Variants in FBXL17 observed in about 807,000 individuals in gnomAD.
The protein encoded by FBXL17 is F-box/LRR-repeat protein 17.
In FBXL17, 22 loss-of-function variants were observed where a neutral mutation model predicts 66.2. That is an observed-to-expected ratio of 0.33 (90% CI 0.24 to 0.47). The LOEUF (loss-of-function observed/expected upper bound fraction) is 0.47. FBXL17 is among the 20% of genes least tolerant of loss of function. The pLI is 1.00. For missense variants in FBXL17, 878 were observed against 948.2 expected (o/e 0.93, Z 0.97); for synonymous variants, 474 against 400.5 (o/e 1.18, Z -2.19).
At chr5:107,879,592 A>C (rs1251334530) in intron 8 of FBXL17, 6 of 985,362 alleles carry the variant, frequency 6.1e-6, no homozygotes, top group Non-Finnish European at 7.2e-6. Context: ...TTTGGAGAAA[A>C]GAATTAGCCA....
At chr5:108,053,108 T>C (rs1411735197) in intron 6 of FBXL17, among the ~76,000 whole-genome samples, 1 of 152,058 alleles carries the variant, frequency 6.6e-6, no homozygotes, top group African/African-American at 2.4e-5. Flanking sequence ...GAAGAAAACC[T>C]AGGTGATACC....
At chr5:107,975,071 T>C (rs1752526421) in intron 7 of FBXL17, among the ~76,000 whole-genome samples, 1 of 152,198 alleles carries the variant, frequency 6.6e-6, no homozygotes, top group Non-Finnish European at 1.5e-5. Context: ...GTCTTTGTTC[T>C]GGGAGTAAAA....
intron 4 of FBXL17, among the ~76,000 whole-genome samples, chr5:108,327,723 CT>C (rs1759923442): frequency 6.6e-6 from 1 of 152,096 alleles, no homozygotes; most frequent in African/African-American, 2.4e-5. Context: ...CCATTGGTTA[CT>C]TTTTCCCCTT....
rs887297804 is a variant in FBXL17, at chr5:107,859,322, A to C, written c.*2398T>G. On this transcript the variant is annotated 3_prime_UTR_variant, in exon 9 of 9. Transcript: ENST00000542267. ...GAAAAATTATTTTAAGCCTCATTTC[A>C]AAGCATCTAATGAGAACACATTCAA... The C allele has an allele frequency of 6.6e-6, 1 of 151,556 alleles. No individual in the cohort carries two copies. Among genetic ancestry groups the C allele is most frequent in the Non-Finnish European group, 1.5e-5 (1 of 67,932 alleles). 9.4% of individuals were successfully genotyped at this position (151,556 alleles called of 1,614,324 possible).
chr5:108,100,420 C>T (rs1031901587), intron 6 of FBXL17, among the ~76,000 whole-genome samples: 1 of 152,114 alleles, frequency 6.6e-6, no homozygotes, highest in Non-Finnish European at 1.5e-5. Flanking sequence ...TACATGCTGA[C>T]CTATTTATCC....
At position 107,880,221 on chromosome 5, in the gene FBXL17, T is replaced by C. The variant is rs143613345; in HGVS notation, c.1965+816A>G. ...TAGCTGGGACTACAGGTGTGTGCCA[T>C]TATGCCTGGCTAATTTTTTTTTGTT... On this transcript the variant is annotated intron_variant, in intron 8 of 8. Coordinates refer to ENST00000542267, the MANE Select transcript of FBXL17 (RefSeq NM_001163315.3). The C allele has an allele frequency of 7.1e-3, 2,126 of 298,806 alleles. 56 individuals carry two copies. The highest frequency in any genetic ancestry group is 0.045 in the African/African-American group (1,974 of 44,112). 18.5% of individuals were successfully genotyped at this position (298,806 alleles called of 1,614,324 possible).
chr5:108,278,598 G>A (rs922982224), intron 4 of FBXL17, among the ~76,000 whole-genome samples: 3 of 152,222 alleles, frequency 2.0e-5, no homozygotes, highest in Non-Finnish European at 2.9e-5. Context: ...TGAGTTGCAG[G>A]CCAGGCACAA....
intron 7 of FBXL17, among the ~76,000 whole-genome samples, chr5:107,930,475 A>G (rs1030066989): frequency 6.6e-6 from 1 of 152,200 alleles, no homozygotes; most frequent in South Asian, 2.1e-4. Context: ...TTTCTGTCAC[A>G]AAGTCTTGTA....
chr5:108,129,337 G>A (rs1174935033), intron 6 of FBXL17, among the ~76,000 whole-genome samples: 3 of 152,030 alleles, frequency 2.0e-5, no homozygotes, highest in Admixed American at 6.6e-5. Flanking sequence ...TGACAGTATT[G>A]TAAATTAAGG....
At chr5:107,982,445 C>T (rs1355959626) in intron 7 of FBXL17, among the ~76,000 whole-genome samples, 4 of 148,328 alleles carry the variant, frequency 2.7e-5, no homozygotes, top group East Asian at 3.9e-4. Context: ...TTTCTCAATG[C>T]TTTAAAAAAA....
intron 4 of FBXL17, among the ~76,000 whole-genome samples, chr5:108,282,222 GA>G (rs1401682426): frequency 6.6e-6 from 1 of 151,638 alleles, no homozygotes; most frequent in African/African-American, 2.4e-5. Context: ...AACATAACAA[GA>G]AAACTACTGA....
chr5:107,957,631 T>A (rs558062145), intron 7 of FBXL17, among the ~76,000 whole-genome samples: 1 of 152,150 alleles, frequency 6.6e-6, no homozygotes, highest in South Asian at 2.1e-4. Context: ...CTAAAACACC[T>A]ATACAGTTCT....
In FBXL17 at chr5:107,878,893, G is replaced by A. The variant is rs571918431; in HGVS notation, c.1965+2144C>T. 57 of 985,512 alleles carry A rather than the reference G, an allele frequency of 5.8e-5. No individual in the cohort carries two copies. The African/African-American group carries it at 9.1e-4, about 16-fold the overall frequency. 61.0% of individuals were successfully genotyped at this position (985,512 alleles called of 1,614,324 possible). A position where few individuals can be genotyped will look rare whatever the true frequency, so the allele number is the denominator to read the frequency against. On this transcript the variant is annotated intron_variant, in intron 8 of 8. Coordinates refer to ENST00000542267, the MANE Select transcript of FBXL17 (RefSeq NM_001163315.3). ...GCTGCACTGCAGCAGGCTCTGACCA[G>A]ACGGCGTCGTGCTGGAGCCAATGGG... is the stretch of plus-strand genomic sequence containing the variant.
At chr5:108,105,281 A>G (rs1749755106) in intron 6 of FBXL17, among the ~76,000 whole-genome samples, 1 of 152,240 alleles carries the variant, frequency 6.6e-6, no homozygotes, top group Non-Finnish European at 1.5e-5. Flanking sequence ...GGACAAGAAT[A>G]ATGGGCCAGG....
intron 6 of FBXL17, among the ~76,000 whole-genome samples, chr5:108,028,092 G>C (rs1754898348): frequency 6.6e-6 from 1 of 152,072 alleles, no homozygotes; most frequent in African/African-American, 2.4e-5. Flanking sequence ...GGAAACAAAA[G>C]CTCAGGACCC....
intron 7 of FBXL17, among the ~76,000 whole-genome samples, chr5:107,994,771 G>A (rs767000675): frequency 6.6e-6 from 1 of 152,138 alleles, no homozygotes; most frequent in Non-Finnish European, 1.5e-5. Flanking sequence ...CCGGGAGGCG[G>A]AGGTTGCAGT....
intron 7 of FBXL17, among the ~76,000 whole-genome samples, chr5:107,898,365 C>A (rs1749451770): frequency 1.3e-5 from 2 of 152,062 alleles, no homozygotes; most frequent in South Asian, 4.2e-4. Flanking sequence ...CTCTGCCACC[C>A]CTGAGACAGA....
intron 4 of FBXL17, among the ~76,000 whole-genome samples, chr5:108,304,240 TTTC>T (rs1380545741): frequency 3.9e-5 from 6 of 152,020 alleles, no homozygotes; most frequent in African/African-American, 1.4e-4. Flanking sequence ...TAAATCTGCT[TTTC>T]TTCAAGTAAC....
intron 4 of FBXL17, among the ~76,000 whole-genome samples, chr5:108,330,401 G>T (rs1188633743): frequency 6.6e-6 from 1 of 152,088 alleles, no homozygotes; most frequent in South Asian, 2.1e-4. Flanking sequence ...AGGGATTACT[G>T]TTTAGGTCCT....
Sources: gnomAD v4.1 joint callset for allele counts (sites outside exome capture counted in the v4.1 genomes callset) on GRCh38, gnomAD v4.1.1 for gene constraint, MANE v1.5 for transcripts, NCBI Gene and HGNC (gene_info 2026-07-23, HGNC 2026-07-21) for gene names.